The following LRFN5 variants were observed in gnomAD, a reference collection of about 807,000 sequenced individuals.
LRFN5 encodes leucine rich repeat and fibronectin type III domain containing 5.
A neutral mutation model predicts 45.6 loss-of-function variants in LRFN5; 24 were observed. The observed-to-expected ratio is 0.53, with a 90% confidence interval of 0.38 to 0.74. The LOEUF (loss-of-function observed/expected upper bound fraction) is 0.74. LRFN5 is among the 30% of genes least tolerant of loss of function. The pLI is 0.00. For missense variants in LRFN5, 776 were observed against 861.5 expected (o/e 0.90, Z 1.24); for synonymous variants, 340 against 313.8 (o/e 1.08, Z -0.88).
At chr14:41,670,089 A>G (rs1194298478) in intron 1 of LRFN5, among the ~76,000 whole-genome samples, 1 of 148,668 alleles carries the variant, frequency 6.7e-6, no homozygotes, top group Non-Finnish European at 1.5e-5. Context: ...ATACACATAT[A>G]TACACACATA....
intron 1 of LRFN5, among the ~76,000 whole-genome samples, chr14:41,683,391 C>A (rs1881987901): frequency 1.3e-5 from 2 of 152,138 alleles, no homozygotes; most frequent in African/African-American, 4.8e-5. Context: ...GTAAACATTT[C>A]TTCTAACATC....
At chr14:41,812,920 A>G (rs1199431921) in intron 2 of LRFN5, among the ~76,000 whole-genome samples, 1 of 152,150 alleles carries the variant, frequency 6.6e-6, no homozygotes, top group African/African-American at 2.4e-5. Flanking sequence ...TGAAGAAGTC[A>G]TCACGTTCCA....
chr14:41,619,489 G>T (rs963584917), intron 1 of LRFN5, among the ~76,000 whole-genome samples: 5 of 151,944 alleles, frequency 3.3e-5, no homozygotes, highest in Non-Finnish European at 5.9e-5. Context: ...GAAAATGCAT[G>T]TCATATTCAC....
chr14:41,617,688 A>C (rs572648451), intron 1 of LRFN5, among the ~76,000 whole-genome samples: 1 of 152,192 alleles, frequency 6.6e-6, no homozygotes, highest in South Asian at 2.1e-4. Flanking sequence ...CTGGGATATA[A>C]ATATATACTA....
chr14:41,759,175 C>A (rs1885540743), intron 1 of LRFN5, among the ~76,000 whole-genome samples: 1 of 152,030 alleles, frequency 6.6e-6, no homozygotes, highest in Non-Finnish European at 1.5e-5. Flanking sequence ...GTTTTTAAGT[C>A]CTCCTTCCCA....
chr14:41,878,673 C>T (rs1890269834), intron 2 of LRFN5, among the ~76,000 whole-genome samples: 1 of 152,060 alleles, frequency 6.6e-6, no homozygotes, highest in African/African-American at 2.4e-5. Flanking sequence ...AAATATTTAA[C>T]AAAAACCTGT....
At chr14:41,642,727 T>C (rs1879636532) in intron 1 of LRFN5, among the ~76,000 whole-genome samples, 1 of 152,236 alleles carries the variant, frequency 6.6e-6, no homozygotes, top group African/African-American at 2.4e-5. Context: ...ATCTCATGAT[T>C]CATGGGCTTC....
At chr14:41,656,921 T>A (rs1299541089) in intron 1 of LRFN5, among the ~76,000 whole-genome samples, 2 of 151,944 alleles carry the variant, frequency 1.3e-5, no homozygotes, top group East Asian at 3.9e-4. Context: ...TTCATTTTTT[T>A]ATATCATTTT....
intron 2 of LRFN5, among the ~76,000 whole-genome samples, chr14:41,838,178 A>G (rs1303266745): frequency 6.6e-6 from 1 of 152,162 alleles, no homozygotes; most frequent in Admixed American, 6.6e-5. Flanking sequence ...TGTATTATTT[A>G]TTACTAAGAC....
chr14:41,693,406 C>T (rs1023001064), intron 1 of LRFN5, among the ~76,000 whole-genome samples: 26 of 152,024 alleles, frequency 1.7e-4, no homozygotes, highest in African/African-American at 6.0e-4. Context: ...TTCATTGACA[C>T]GTATTTTACT....
At chr14:41,851,140 A>G (rs1438488412) in intron 2 of LRFN5, among the ~76,000 whole-genome samples, 3 of 151,732 alleles carry the variant, frequency 2.0e-5, no homozygotes, top group African/African-American at 7.2e-5. Context: ...TACTACTCCA[A>G]GCAGAAGTTA....
chr14:41,659,054 A>G (rs1266413897), intron 1 of LRFN5, among the ~76,000 whole-genome samples: 2 of 151,470 alleles, frequency 1.3e-5, no homozygotes, highest in Non-Finnish European at 2.9e-5. Flanking sequence ...TTATTATGTA[A>G]TGTTTATTAT....
chr14:41,734,398 CATAATG>C (rs1211609637), intron 1 of LRFN5, among the ~76,000 whole-genome samples: 2 of 80,692 alleles, frequency 2.5e-5, no homozygotes, highest in Non-Finnish European at 5.4e-5. Flanking sequence ...TTTATAATGA[CATAATG>C]ACATCATTTT....
At chr14:41,617,270 T>C (rs1046197766) in intron 1 of LRFN5, among the ~76,000 whole-genome samples, 1 of 152,168 alleles carries the variant, frequency 6.6e-6, no homozygotes. Flanking sequence ...TTCTGTACTC[T>C]ATGCACTAAC....
At chr14:41,817,545 A>C (rs1887964695) in intron 2 of LRFN5, among the ~76,000 whole-genome samples, 1 of 152,124 alleles carries the variant, frequency 6.6e-6, no homozygotes, top group South Asian at 2.1e-4. Context: ...CAGGATGACT[A>C]GAGGGGTCCA....
At chr14:41,826,458 T>A (rs1006034992) in intron 2 of LRFN5, among the ~76,000 whole-genome samples, 1 of 152,178 alleles carries the variant, frequency 6.6e-6, no homozygotes, top group Non-Finnish European at 1.5e-5. Flanking sequence ...TTCATTCTTA[T>A]CAAATTTTAG....
At chr14:41,806,250 G>T (rs1271883762) in intron 2 of LRFN5, among the ~76,000 whole-genome samples, 6 of 152,088 alleles carry the variant, frequency 3.9e-5, no homozygotes, top group South Asian at 2.1e-4. Flanking sequence ...TACATATCTA[G>T]ATCATTCTAG....
At chr14:41,625,544 A>C (rs1272039313) in intron 1 of LRFN5, among the ~76,000 whole-genome samples, 1 of 152,168 alleles carries the variant, frequency 6.6e-6, no homozygotes, top group Admixed American at 6.6e-5. Flanking sequence ...GATGAATACA[A>C]ACATTATTAG....
chr14:41,845,727 CA>C (rs200232370), intron 2 of LRFN5, among the ~76,000 whole-genome samples: 6 of 150,220 alleles, frequency 4.0e-5, no homozygotes, highest in African/African-American at 7.3e-5. Flanking sequence ...TAGTTGTCAA[CA>C]AAAAAAAAGT....
Sources: gnomAD v4.1 joint callset for allele counts (sites outside exome capture counted in the v4.1 genomes callset) on GRCh38, gnomAD v4.1.1 for gene constraint, MANE v1.5 for transcripts, NCBI Gene and HGNC (gene_info 2026-07-23, HGNC 2026-07-21) for gene names.